CNTNAP2: variants seen among roughly 807,000 people sequenced by gnomAD.
The protein encoded by CNTNAP2 is contactin associated protein 2.
In CNTNAP2, 98 loss-of-function variants were observed where a neutral mutation model predicts 155.2. The ratio of observed to expected loss-of-function variants is 0.63; its 90% confidence interval spans 0.54 to 0.75. The LOEUF (loss-of-function observed/expected upper bound fraction) is 0.75, where lower values mean the gene tolerates loss of function less well. Ranked by LOEUF, CNTNAP2 falls within the 30% of genes least tolerant of loss-of-function variation. The pLI is 0.00. For missense variants in CNTNAP2, 1,727 were observed against 1,688.1 expected (o/e 1.02, Z -0.40); for synonymous variants, 651 against 631.2 (o/e 1.03, Z -0.47).
chr7:148,217,145 A>G, intron 18 of CNTNAP2, 143 bp from the exon 19 acceptor site: 1 of 738,274 alleles, frequency 1.4e-6, no homozygotes, highest in South Asian at 1.6e-5. Context: ...GTGTTGATGC[A>G]ATAGCATCTT....
intron 1 of CNTNAP2, among the ~76,000 whole-genome samples, chr7:146,480,714 A>G (rs1796947587): frequency 7.5e-6 from 1 of 133,684 alleles, no homozygotes; most frequent in Admixed American, 7.9e-5. Context: ...TTTTAGACAG[A>G]GTCTTGCTCT....
At chr7:147,763,744 A>G (rs190628131) in intron 13 of CNTNAP2, among the ~76,000 whole-genome samples, 5 of 152,284 alleles carry the variant, frequency 3.3e-5, no homozygotes, top group Non-Finnish European at 7.4e-5. Flanking sequence ...AGACAGCTGA[A>G]CACTTCAGTC....
At chr7:147,195,670 C>T (rs1055070631) in intron 8 of CNTNAP2, among the ~76,000 whole-genome samples, 4 of 151,960 alleles carry the variant, frequency 2.6e-5, no homozygotes, top group African/African-American at 9.7e-5. Flanking sequence ...ATTTTATTCT[C>T]TTTGTAGTGA....
intron 8 of CNTNAP2, among the ~76,000 whole-genome samples, chr7:147,190,801 A>T (rs1802664556): frequency 1.3e-5 from 2 of 152,354 alleles, no homozygotes; most frequent in Non-Finnish European, 2.9e-5. Flanking sequence ...TAGCCAGATT[A>T]AACTCACTGT....
At chr7:147,469,588 G>A (rs1485996242) in intron 10 of CNTNAP2, among the ~76,000 whole-genome samples, 4 of 143,958 alleles carry the variant, frequency 2.8e-5, no homozygotes, top group Non-Finnish European at 4.5e-5. Flanking sequence ...GCGCGATCTC[G>A]GCTCACTGCA....
At chr7:146,265,436 T>G (rs541258924) in intron 1 of CNTNAP2, among the ~76,000 whole-genome samples, 3 of 149,412 alleles carry the variant, frequency 2.0e-5, no homozygotes, top group Non-Finnish European at 2.9e-5. Flanking sequence ...TTGAGTAGAT[T>G]TTCTTTTTTT....
intron 1 of CNTNAP2, among the ~76,000 whole-genome samples, chr7:146,479,766 C>T (rs944731974): frequency 1.3e-5 from 2 of 151,726 alleles, no homozygotes; most frequent in East Asian, 1.9e-4. Flanking sequence ...GAAATTATAG[C>T]TCCATATATT....
intron 4 of CNTNAP2, among the ~76,000 whole-genome samples, chr7:147,092,119 A>C (rs1349774770): frequency 6.6e-6 from 1 of 152,182 alleles, no homozygotes; most frequent in Non-Finnish European, 1.5e-5. Context: ...GCCTTGGGAA[A>C]TGCATAAATT....
chr7:147,270,986 C>T (rs145344837), intron 8 of CNTNAP2, among the ~76,000 whole-genome samples: 144 of 152,188 alleles, frequency 9.5e-4, no homozygotes, highest in African/African-American at 3.3e-3. Context: ...AAACTAGAGC[C>T]GCTTTTTATA....
intron 15 of CNTNAP2, among the ~76,000 whole-genome samples, chr7:148,022,472 A>AC: frequency 1.2e-5 from 1 of 85,908 alleles, no homozygotes; most frequent in African/African-American, 5.2e-5. Context: ...CCGTCTCAAA[A>AC]AAAAAAAAAA....
At chr7:146,974,353 A>C (rs1797864071) in intron 3 of CNTNAP2, among the ~76,000 whole-genome samples, 1 of 151,924 alleles carries the variant, frequency 6.6e-6, no homozygotes, top group Non-Finnish European at 1.5e-5. Context: ...CAGGAGAATC[A>C]CTTGAACCTG....
chr7:148,182,422 A>G (rs866793595), intron 18 of CNTNAP2, among the ~76,000 whole-genome samples: 13 of 148,866 alleles, frequency 8.7e-5, no homozygotes, highest in Admixed American at 3.4e-4. Flanking sequence ...TCTATGGGCC[A>G]TGAAGACCTG....
At chr7:148,231,817 C>A (rs1239263700) in intron 20 of CNTNAP2, among the ~76,000 whole-genome samples, 3 of 152,158 alleles carry the variant, frequency 2.0e-5, no homozygotes, top group Admixed American at 2.0e-4. Context: ...CTAATCACAT[C>A]TCTTGATTAG....
At chr7:146,329,910 A>G (rs542809401) in intron 1 of CNTNAP2, among the ~76,000 whole-genome samples, 7 of 149,696 alleles carry the variant, frequency 4.7e-5, no homozygotes, top group South Asian at 2.1e-4. Context: ...CAAATTTTAT[A>G]CCCCCATAAT....
intron 13 of CNTNAP2, among the ~76,000 whole-genome samples, chr7:147,722,504 C>G (rs929191573): frequency 7.2e-5 from 11 of 152,186 alleles, no homozygotes; most frequent in African/African-American, 2.6e-4. Context: ...TTGCACAGCC[C>G]TTCACCTAAT....
chr7:148,043,546 G>A (rs746066764), intron 15 of CNTNAP2, among the ~76,000 whole-genome samples: 2 of 152,140 alleles, frequency 1.3e-5, no homozygotes, highest in Non-Finnish European at 2.9e-5. Flanking sequence ...ATCTTACAAA[G>A]GATAAGAAAT....
chr7:146,477,153 C>T (rs1443090414), intron 1 of CNTNAP2, among the ~76,000 whole-genome samples: 1 of 152,130 alleles, frequency 6.6e-6, no homozygotes, highest in Admixed American at 6.5e-5. Flanking sequence ...TCAGCAACAA[C>T]TCAGTATTTG....
intron 12 of CNTNAP2, among the ~76,000 whole-genome samples, chr7:147,588,113 T>G (rs1411698846): frequency 6.6e-6 from 1 of 152,098 alleles, no homozygotes; most frequent in Non-Finnish European, 1.5e-5. Context: ...GATAGATAGA[T>G]AGATAAAGCT....
intron 1 of CNTNAP2, among the ~76,000 whole-genome samples, chr7:146,682,001 C>T (rs112858415): frequency 2.7e-4 from 20 of 74,606 alleles, no homozygotes; most frequent in Non-Finnish European, 2.9e-4. Flanking sequence ...TCAGGTCAGA[C>T]GCACAGAAAC....
Sources: gnomAD v4.1 joint callset for allele counts (sites outside exome capture counted in the v4.1 genomes callset) on GRCh38, gnomAD v4.1.1 for gene constraint, MANE v1.5 for transcripts, NCBI Gene and HGNC (gene_info 2026-07-23, HGNC 2026-07-21) for gene names.